Variants in WNK2 observed in about 807,000 individuals in gnomAD.
WNK2 encodes WNK lysine deficient protein kinase 2.
WNK2 carries 67 observed loss-of-function variants against 192.1 expected under a neutral mutation model. The ratio of observed to expected loss-of-function variants is 0.35; its 90% confidence interval spans 0.29 to 0.43. The LOEUF (loss-of-function observed/expected upper bound fraction) is 0.43. WNK2 is among the 20% of genes least tolerant of loss of function. The probability of loss-of-function intolerance (pLI) is 1.00; values close to 1 mark genes in which losing one functional copy is unlikely to be tolerated. For synonymous variants in WNK2, 1,439 were observed against 1,393.9 expected, an observed-to-expected ratio of 1.03 and a Z score of -0.72; for missense variants, 2,698 against 3,089.7, an observed-to-expected ratio of 0.87 and a Z score of 3.01.
chr9:93,188,042 C>G (rs1284901863), intron 2 of WNK2, among the ~76,000 whole-genome samples: 1 of 152,096 alleles, frequency 6.6e-6, no homozygotes, highest in Non-Finnish European at 1.5e-5. Flanking sequence ...CACATGACCG[C>G]TAGCATTCTG....
intron 7 of WNK2, among the ~76,000 whole-genome samples, chr9:93,245,692 C>G (rs1037618486): frequency 3.3e-5 from 5 of 152,242 alleles, no homozygotes; most frequent in Non-Finnish European, 7.3e-5. Flanking sequence ...TTCTTTATCT[C>G]TCTGTGGCCT....
At chr9:93,256,803 AGT>A in intron 10 of WNK2, 143 bp from the exon 11 acceptor site, 24 of 779,602 alleles carry the variant, frequency 3.1e-5, no homozygotes, top group Non-Finnish European at 3.8e-5. Context: ...TGACTGTGCA[AGT>A]GTGTGTGTGC....
chr9:93,196,318 C>T (rs567035394), intron 2 of WNK2, among the ~76,000 whole-genome samples: 34 of 152,236 alleles, frequency 2.2e-4, no homozygotes, highest in African/African-American at 7.2e-4. Flanking sequence ...AGCTGTGAGC[C>T]GACTGTGGGA....
In WNK2 at chr9:93,292,897, A is replaced by G. The variant is rs1010237325; in HGVS notation, c.5432A>G (p.Asp1811Gly). 6.6e-7 allele frequency: 1 copy of G among 1,518,996 alleles called. No individual in the cohort carries two copies. The allele number at this position is 1,518,996 out of a possible 1,614,324, so 94.1% of individuals were successfully genotyped here. ...GAGCCCGTGTCCAGCGACTCTGGGG[A>G]CGAGGGCCCTCGGGCGAGACCCCCG... Reference protein sequence around the residue: ...VGEPVSSDSGDEGPRARPPVQ... With the variant: ...VGEPVSSDSGGEGPRARPPVQ... Residue 1811 changes from aspartate to glycine, a missense_variant, in exon 23 of 30, where the codon GAC becomes GGC. Physicochemically the swap from Asp to Gly is moderately conservative, Grantham distance 94 (BLOSUM62 -1). This residue lies in a region of WNK2 where 1,098 missense variants were observed against 1,101.0 expected (regional missense o/e 1.00). Transcript: ENST00000427277.
intron 20 of WNK2, 121 bp from the exon 21 acceptor site, chr9:93,289,857 C>T (rs1849035558): frequency 9.5e-7 from 1 of 1,050,256 alleles, no homozygotes; most frequent in Non-Finnish European, 1.4e-6. Context: ...TCCATGCACA[C>T]ACAGGGGCTG....
intron 12 of WNK2, among the ~76,000 whole-genome samples, chr9:93,261,207 C>A (rs1345935314): frequency 6.6e-6 from 1 of 152,200 alleles, no homozygotes; most frequent in Non-Finnish European, 1.5e-5. Context: ...CCTTCCAGCC[C>A]TGAGAGGTGA....
At chr9:93,195,053 G>A (rs1587779607) in intron 2 of WNK2, among the ~76,000 whole-genome samples, 1 of 151,912 alleles carries the variant, frequency 6.6e-6, no homozygotes, top group Admixed American at 6.5e-5. Context: ...GTGGTTGCCA[G>A]GGATTAGAGG....
rs7847359 is a variant in WNK2 at position 93,225,914 on chromosome 9, A to G, written c.682-3782A>G. Among the ~76,000 whole-genome samples the G allele has an allele frequency of 2.5e-3, 377 of 151,006 alleles. 1 individual carries two copies. Among genetic ancestry groups the G allele is most frequent in the African/African-American group, 8.7e-3 (356 of 41,064 alleles). On this transcript the variant is annotated intron_variant, in intron 2 of 29. Transcript: ENST00000427277. Reference sequence around the variant, plus strand: ...TGGGTGCATGTCTTTCTGTTGTGTTATGTTGTGTTGTGTTGTGTTGTGTTG... The same window carrying G: ...TGGGTGCATGTCTTTCTGTTGTGTTGTGTTGTGTTGTGTTGTGTTGTGTTG...
chr9:93,233,440 A>C (rs996840292), intron 4 of WNK2, among the ~76,000 whole-genome samples: 2 of 152,164 alleles, frequency 1.3e-5, no homozygotes, highest in African/African-American at 4.8e-5. Flanking sequence ...TCACACCTCT[A>C]ATCCCAGTAC....
chr9:93,241,506 C>T (rs969808254), intron 7 of WNK2, among the ~76,000 whole-genome samples: 1 of 152,176 alleles, frequency 6.6e-6, no homozygotes, highest in African/African-American at 2.4e-5. Flanking sequence ...TCACCAGTTC[C>T]AGGCTGATGA....
chr9:93,196,175 G>T (rs982844856), intron 2 of WNK2, among the ~76,000 whole-genome samples: 1 of 152,132 alleles, frequency 6.6e-6, no homozygotes, highest in African/African-American at 2.4e-5. Flanking sequence ...CTGGGGAGGG[G>T]CGTTAACAGG....
chr9:93,218,508 A>G (rs1019694470), intron 2 of WNK2, among the ~76,000 whole-genome samples: 4 of 152,070 alleles, frequency 2.6e-5, no homozygotes, highest in Non-Finnish European at 5.9e-5. Context: ...CAATCAGGAA[A>G]GTTTTTGTGG....
At chr9:93,274,213 A>T (rs1846402613) in intron 19 of WNK2, among the ~76,000 whole-genome samples, 3 of 152,252 alleles carry the variant, frequency 2.0e-5, no homozygotes, top group African/African-American at 7.2e-5. Context: ...GGACAAAACA[A>T]AATACCAATA....
intron 19 of WNK2, among the ~76,000 whole-genome samples, chr9:93,285,840 A>G (rs1380407294): frequency 6.6e-6 from 1 of 152,216 alleles, no homozygotes; most frequent in Admixed American, 6.5e-5. Context: ...GGGTAGAGAA[A>G]TTGAGCAATG....
At position 93,292,686 on chromosome 9, in the gene WNK2, C is replaced by T. The variant is rs762017976; in HGVS notation, c.5221C>T (p.Pro1741Ser). 6 of 1,572,342 alleles carry T rather than the reference C, an allele frequency of 3.8e-6. No homozygotes were observed. The highest frequency in any genetic ancestry group is 1.9e-5 in the Admixed American group (1 of 53,756). Residue 1741 changes from proline (P) to serine (S), a missense_variant, in exon 23 of 30, where the codon CCA (proline) becomes TCA (serine). Coordinates refer to ENST00000427277, the MANE Select transcript of WNK2 (RefSeq NM_006648.4). ...TCCAGAGCAGCAGGATGTCAGCTCA[C>T]CAGCCAAGACTGTGGGCCGTTTCTC... Reference protein sequence around the residue: ...KRPEQQDVSSPAKTVGRFSVV... With the variant: ...KRPEQQDVSSSAKTVGRFSVV...
At chr9:93,300,381 C>T (rs865960065) in intron 26 of WNK2, 1 of 406,892 alleles carries the variant, frequency 2.5e-6, no homozygotes, top group Non-Finnish European at 4.4e-6. Context: ...TGGCTGGTGC[C>T]TGGGCACGGA....
chr9:93,265,438 G>A (rs914541856), intron 16 of WNK2, among the ~76,000 whole-genome samples: 3 of 152,216 alleles, frequency 2.0e-5, no homozygotes, highest in African/African-American at 4.8e-5. Flanking sequence ...GGCTTAGGCT[G>A]AAGACATGAT....
chr9:93,292,421 G>C, intron 22 of WNK2, 25 bp downstream of exon 22: 4 of 1,613,900 alleles, frequency 2.5e-6, no homozygotes, highest in African/African-American at 1.3e-5. Context: ...ACGACCCCCT[G>C]GCTGGTTGGC....
intron 11 of WNK2, among the ~76,000 whole-genome samples, chr9:93,258,246 C>T (rs1178571355): frequency 2.0e-5 from 3 of 152,118 alleles, no homozygotes; most frequent in East Asian, 3.9e-4. Flanking sequence ...TCCATGTGGC[C>T]GGGTGTCAGC....
Sources: allele counts gnomAD v4.1 joint callset (sites outside exome capture counted in the v4.1 genomes callset), GRCh38; gene constraint gnomAD v4.1.1; regional missense constraint gnomAD v4.1.1; transcripts MANE v1.5; gene names NCBI Gene and HGNC (gene_info 2026-07-23, HGNC 2026-07-21).